Variants in DCDC1 observed in about 807,000 individuals in gnomAD.
The protein encoded by DCDC1 is doublecortin domain containing 1, also known as doublecortin domain-containing protein 1.
Under a neutral mutation model 178.3 loss-of-function variants are expected in DCDC1, and 200 were observed. The observed-to-expected ratio is 1.12, with a 90% CI of 1.00 to 1.26. The LOEUF (loss-of-function observed/expected upper bound fraction) is 1.26, where lower values mean the gene tolerates loss of function less well. DCDC1 is among the 50% of genes most tolerant of loss of function. The pLI is 0.00. For missense variants in DCDC1, 1,983 were observed against 1,749.2 expected (o/e 1.13, Z -2.38); for synonymous variants, 690 against 604.8 (o/e 1.14, Z -2.07).
At chr11:31,358,867 A>G (rs1279997722) in intron 1 of DCDC1, among the ~76,000 whole-genome samples, 7 of 152,344 alleles carry the variant, frequency 4.6e-5, no homozygotes, top group African/African-American at 1.7e-4. Flanking sequence ...AGAAATGCAA[A>G]TCAAAACCAC....
At chr11:31,204,396 AAAT>A (rs1971641307) in intron 9 of DCDC1, among the ~76,000 whole-genome samples, 1 of 152,198 alleles carries the variant, frequency 6.6e-6, no homozygotes, top group African/African-American at 2.4e-5. Flanking sequence ...TAAAGTGACA[AAAT>A]ATTATTTAAG....
At chr11:31,106,136 C>T (rs955172952) in intron 13 of DCDC1, among the ~76,000 whole-genome samples, 1 of 152,120 alleles carries the variant, frequency 6.6e-6, no homozygotes, top group African/African-American at 2.4e-5. Context: ...TAATTTTATG[C>T]AGGAATTTAC....
chr11:31,224,723 A>G (rs962966632), intron 9 of DCDC1, among the ~76,000 whole-genome samples: 3 of 152,162 alleles, frequency 2.0e-5, no homozygotes, highest in Admixed American at 1.3e-4. Flanking sequence ...TTCTCAAAGG[A>G]AGATATACAA....
chr11:31,244,649 T>C (rs189578910), intron 8 of DCDC1, among the ~76,000 whole-genome samples: 77 of 151,888 alleles, frequency 5.1e-4, no homozygotes, highest in African/African-American at 1.8e-3. Context: ...TTGTGTATTT[T>C]CATTAAGCTA....
chr11:31,194,142 T>C (rs575556051), intron 9 of DCDC1, among the ~76,000 whole-genome samples: 1 of 152,262 alleles, frequency 6.6e-6, no homozygotes, highest in Admixed American at 6.5e-5. Flanking sequence ...AACTAAAGTT[T>C]GATGATATCA....
At chr11:31,190,297 C>T (rs1216035920) in intron 9 of DCDC1, among the ~76,000 whole-genome samples, 1 of 152,026 alleles carries the variant, frequency 6.6e-6, no homozygotes, top group African/African-American at 2.4e-5. Context: ...TGAGGCTGAG[C>T]AGATAAATAA....
chr11:30,991,349 G>A (rs1366821614), intron 20 of DCDC1, among the ~76,000 whole-genome samples: 1 of 152,078 alleles, frequency 6.6e-6, no homozygotes, highest in Non-Finnish European at 1.5e-5. Context: ...AAAAGACAGA[G>A]ACAAAGGGGT....
chr11:31,014,177 A>G (rs1952340912), intron 20 of DCDC1, among the ~76,000 whole-genome samples: 1 of 152,080 alleles, frequency 6.6e-6, no homozygotes, highest in Non-Finnish European at 1.5e-5. Context: ...CACCAGAGAC[A>G]TAGCTCTTGC....
chr11:31,051,254 T>C (rs1270785028), intron 20 of DCDC1, among the ~76,000 whole-genome samples: 1 of 152,068 alleles, frequency 6.6e-6, no homozygotes, highest in African/African-American at 2.4e-5. Flanking sequence ...GGTCTTCAAA[T>C]TAACAATCCA....
intron 20 of DCDC1, among the ~76,000 whole-genome samples, chr11:31,008,722 A>T (rs1358106605): frequency 6.6e-6 from 1 of 152,208 alleles, no homozygotes; most frequent in East Asian, 1.9e-4. Context: ...TTGCAAACGG[A>T]AAGCAATGAG....
intron 2 of DCDC1, among the ~76,000 whole-genome samples, chr11:31,330,948 A>T (rs1949947806): frequency 6.6e-6 from 1 of 152,120 alleles, no homozygotes; most frequent in African/African-American, 2.4e-5. Flanking sequence ...TGGTAGCTTG[A>T]TGGGGATGCC....
At chr11:31,191,075 A>G (rs1394778061) in intron 9 of DCDC1, among the ~76,000 whole-genome samples, 1 of 152,144 alleles carries the variant, frequency 6.6e-6, no homozygotes, top group African/African-American at 2.4e-5. Flanking sequence ...TTGAATGTAA[A>G]TGCTATGTAA....
rs1237315181 is a variant in DCDC1, at chr11:30,864,819, T to C, written c.*554A>G. 1 of 152,170 alleles carries C rather than the reference T, an allele frequency of 6.6e-6. No homozygotes were observed. Among genetic ancestry groups the C allele is most frequent in the Non-Finnish European group, 1.5e-5 (1 of 68,022 alleles). The allele number at this position is 152,170 out of a possible 1,614,324, so 9.4% of individuals were successfully genotyped here. ...AGAATGTATACAGATTTCACTGGCA[T>C]ACAAAATGTCTATGGCTAACAATGC... On this transcript the variant is annotated 3_prime_UTR_variant, in exon 39 of 39. Transcript: ENST00000684477.
At chr11:31,015,365 T>C (rs1952430490) in intron 20 of DCDC1, among the ~76,000 whole-genome samples, 2 of 152,194 alleles carry the variant, frequency 1.3e-5, no homozygotes, top group South Asian at 4.1e-4. Flanking sequence ...ATATTAAAAA[T>C]TGTTTCCTGG....
In DCDC1 at chr11:30,945,203, A is replaced by G. The variant is rs918845088; in HGVS notation, c.2715+7242T>C. 2.0e-5 allele frequency among the ~76,000 whole-genome samples: 3 copies of G among 151,666 alleles called. No homozygotes were observed. The South Asian group carries it at 6.2e-4, about 32-fold the overall frequency. The stretch of plus-strand genomic sequence containing the variant: ...AGGCTGGTCTCCAACTCCTGACCTC[A>G]TGATCTGCCCGCCTCAGCCTCCCAA... On this transcript the variant is annotated intron_variant, in intron 21 of 38. Coordinates refer to ENST00000684477, the MANE Select transcript of DCDC1 (RefSeq NM_001387274.1).
At chr11:30,888,054 GAAAGAA>G (rs1312328186) in intron 36 of DCDC1, among the ~76,000 whole-genome samples, 31 of 72,542 alleles carry the variant, frequency 4.3e-4, no homozygotes, top group African/African-American at 1.3e-3. Flanking sequence ...AAGAAAGAAA[GAAAGAA>G]AGAGAGAGAG....
chr11:30,968,711 T>TTATATATATATATATATATA (rs71451193), intron 20 of DCDC1, among the ~76,000 whole-genome samples: 1,146 of 60,832 alleles, frequency 0.019, 136 homozygotes, highest in African/African-American at 0.048. Flanking sequence ...ATATATCAAA[T>TTATATATATATATATATATA]TATATATATA....
chr11:31,259,573 G>C, intron 8 of DCDC1, among the ~76,000 whole-genome samples: 1 of 152,122 alleles, frequency 6.6e-6, no homozygotes, highest in Non-Finnish European at 1.5e-5. Flanking sequence ...ATCTGTCCAA[G>C]GTCACATAGT....
chr11:31,346,645 G>C (rs1013052643), intron 1 of DCDC1, among the ~76,000 whole-genome samples: 8 of 152,078 alleles, frequency 5.3e-5, no homozygotes, highest in Admixed American at 5.2e-4. Context: ...GGAAATGATT[G>C]TATTGAATAT....
Sources: allele counts gnomAD v4.1 joint callset (sites outside exome capture counted in the v4.1 genomes callset), GRCh38; gene constraint gnomAD v4.1.1; transcripts MANE v1.5; gene names NCBI Gene and HGNC (gene_info 2026-07-23, HGNC 2026-07-21).